The following APC variants were observed in gnomAD, a reference collection of about 807,000 sequenced individuals.
APC encodes the protein adenomatous polyposis coli protein.
APC carries 72 observed loss-of-function variants against 247.0 expected under a neutral mutation model. That is an observed-to-expected ratio of 0.29 (90% CI 0.24 to 0.35). The LOEUF is 0.35. Among genes scored for constraint, APC ranks in the 10% least tolerant of loss-of-function variants. The pLI is 1.00. For missense variants in APC, 3,400 were observed against 3,360.7 expected, an observed-to-expected ratio of 1.01 and a Z score of -0.29; for synonymous variants, 1,254 against 1,162.5, an observed-to-expected ratio of 1.08 and a Z score of -1.60.
intron 5 of APC, among the ~76,000 whole-genome samples, chr5:112,777,403 A>G (rs1251791739): frequency 6.6e-6 from 1 of 152,168 alleles, no homozygotes; most frequent in East Asian, 1.9e-4. Flanking sequence ...TCTCTCATGC[A>G]GTGGATATAA....
chr5:112,763,504 T>C (rs547481728), intron 2 of APC, among the ~76,000 whole-genome samples: 1 of 152,268 alleles, frequency 6.6e-6, no homozygotes, highest in East Asian at 1.9e-4. Flanking sequence ...TATATGGCTT[T>C]TTAATTTCTT....
At position 112,821,106 on chromosome 5, in the gene APC, G is replaced by A. The variant is rs544327369; in HGVS notation, c.1313-790G>A. On this transcript the variant is annotated intron_variant, in intron 10 of 15. Coordinates refer to ENST00000257430, the MANE Select transcript of APC (RefSeq NM_000038.6). Reference sequence around the variant, plus strand: ...CTGGTCTTGAACTCCTTGGGCTCAAGGATCTGCTCACTTCAGCCTCCCAAA... The same window carrying A: ...CTGGTCTTGAACTCCTTGGGCTCAAAGATCTGCTCACTTCAGCCTCCCAAA... Among the ~76,000 whole-genome samples, 43 of 150,504 alleles carry A rather than the reference G, an allele frequency of 2.9e-4. 2 individuals carry two copies. In the South Asian group the frequency reaches 9.1e-3, roughly 32 times the overall value.
chr5:112,715,780 G>A (rs1365581000), intron 1 of APC, among the ~76,000 whole-genome samples: 1 of 152,092 alleles, frequency 6.6e-6, no homozygotes, highest in African/African-American at 2.4e-5. Context: ...TCATTTCTTT[G>A]TGTTGGGAGG....
intron 1 of APC, among the ~76,000 whole-genome samples, chr5:112,713,897 A>T (rs1261165142): frequency 1.3e-5 from 2 of 152,178 alleles, no homozygotes; most frequent in Non-Finnish European, 2.9e-5. Context: ...ACCTCAAGTG[A>T]TCCGCCCACC....
rs780590508 is a variant in APC, at chr5:112,839,961, A to C, written c.4367A>C (p.Lys1456Thr). 6.2e-7 allele frequency: 1 copy of C among 1,614,132 alleles called. No homozygotes were observed. The highest frequency in any genetic ancestry group is 8.5e-7 in the Non-Finnish European group (1 of 1,180,022). Residue 1456 changes from lysine (K) to threonine (T), a missense_variant, in exon 16 of 16, where the codon AAA becomes ACA. Coordinates refer to ENST00000257430, the MANE Select transcript of APC (RefSeq NM_000038.6). The surrounding 1 kb of genome is among the most constrained non-coding windows in gnomAD (Gnocchi z 5.0). The part of the protein sequence containing the change: ...AQTKREVPKN[K>T]APTAEKRESG... ...ACCAAGCGAGAAGTACCTAAAAATA[A>C]AGCACCTACTGCTGAAAAGAGAGAG...
intron 8 of APC, among the ~76,000 whole-genome samples, chr5:112,804,670 G>C (rs902809929): frequency 6.6e-6 from 1 of 152,144 alleles, no homozygotes; most frequent in African/African-American, 2.4e-5. Context: ...GAGCCACTGC[G>C]CCCGGCCAAT....
At chr5:112,738,314 T>C in intron 1 of APC, 1 of 985,530 alleles carries the variant, frequency 1.0e-6, no homozygotes, top group Non-Finnish European at 1.2e-6. Context: ...GCAAAAGCTC[T>C]ACCCCATTGA....
chr5:112,730,845 C>CT (rs1752063181), intron 1 of APC, among the ~76,000 whole-genome samples: 1 of 151,650 alleles, frequency 6.6e-6, no homozygotes, highest in African/African-American at 2.4e-5. Context: ...AAGTACTTAA[C>CT]TTAAAAAAAA....
chr5:112,828,729 G>A (rs1191774723), intron 13 of APC, 127 bp from the exon 14 acceptor site: 24 of 681,678 alleles, frequency 3.5e-5, no homozygotes, highest in South Asian at 1.6e-4. Context: ...GATTACAGGC[G>A]TGAGTCACCA....
chr5:112,829,207 T>G, intron 14 of APC: 1 of 401,710 alleles, frequency 2.5e-6, no homozygotes, highest in Non-Finnish European at 4.7e-6. Context: ...GGTCTGATCT[T>G]GGCTCACTGC....
chr5:112,729,796 A>T (rs2149670475), intron 1 of APC, among the ~76,000 whole-genome samples: 1 of 152,318 alleles, frequency 6.6e-6, no homozygotes, highest in South Asian at 2.1e-4. Context: ...CCAGAGGGCA[A>T]GTCTTCAGGG....
At chr5:112,808,516 A>G (rs1204405310) in intron 8 of APC, among the ~76,000 whole-genome samples, 3 of 152,004 alleles carry the variant, frequency 2.0e-5, no homozygotes, top group Admixed American at 6.6e-5. Flanking sequence ...TGCAGTGGCA[A>G]AGCTCACTGC....
chr5:112,823,249 A>G (rs1332030605), intron 11 of APC: 1 of 152,632 alleles, frequency 6.6e-6, no homozygotes, highest in Non-Finnish European at 1.5e-5. Flanking sequence ...TGAGACATTA[A>G]TCATCTGGAT....
At chr5:112,818,804 C>T (rs1391355794) in intron 9 of APC, among the ~76,000 whole-genome samples, 162 bp from the exon 10 acceptor site, 3 of 146,398 alleles carry the variant, frequency 2.0e-5, no homozygotes, top group Non-Finnish European at 4.5e-5. Context: ...ACACTGATTA[C>T]TTCATCCTGG....
chr5:112,768,599 A>G (rs932649952), intron 4 of APC, among the ~76,000 whole-genome samples: 1 of 151,706 alleles, frequency 6.6e-6, no homozygotes, highest in Non-Finnish European at 1.5e-5. Context: ...AATTTATTGC[A>G]ATCAGGTTAG....
Position 112,804,487 on chromosome 5 carries a change from A to G in APC, c.834+3104A>G, listed in dbSNP as rs1019066714. Among the ~76,000 whole-genome samples the G allele has an allele frequency of 4.6e-5, 7 of 152,058 alleles. No homozygotes were observed. In the South Asian group the frequency reaches 8.3e-4, roughly 18 times the overall value. On this transcript the variant is annotated intron_variant, in intron 8 of 15. Coordinates refer to ENST00000257430, the MANE Select transcript of APC (RefSeq NM_000038.6). ...AACCTCCACCTCCTAGGTTCAAGCA[A>G]TTCTGCCTCAGCCTCCCGAGTAGCT...
At chr5:112,773,750 A>G (rs1229990768) in intron 4 of APC, among the ~76,000 whole-genome samples, 1 of 152,216 alleles carries the variant, frequency 6.6e-6, no homozygotes, top group Non-Finnish European at 1.5e-5. Flanking sequence ...AGAAAATTAT[A>G]TGCAGCCCAA....
intron 5 of APC, among the ~76,000 whole-genome samples, chr5:112,776,636 G>A (rs765666373): frequency 2.3e-4 from 35 of 152,070 alleles, no homozygotes; most frequent in Non-Finnish European, 4.0e-4. Flanking sequence ...CCAGGAGTTC[G>A]AGACCAGCCT....
At chr5:112,708,612 A>T (rs905757831) in intron 1 of APC, among the ~76,000 whole-genome samples, 1 of 152,260 alleles carries the variant, frequency 6.6e-6, no homozygotes, top group African/African-American at 2.4e-5. Context: ...TTAATGGTAC[A>T]AGCAAGGATA....
Sources: gnomAD v4.1 joint callset for allele counts (sites outside exome capture counted in the v4.1 genomes callset) on GRCh38, gnomAD v4.1.1 for gene constraint, Gnocchi (gnomAD v3.1) non-coding constraint, MANE v1.5 for transcripts, NCBI Gene and HGNC (gene_info 2026-07-23, HGNC 2026-07-21) for gene names.